Variants in ZNF138 observed in about 807,000 individuals in gnomAD.
The protein encoded by ZNF138 is zinc finger protein 138 (clone pHZ-32).
ZNF138 carries 33 observed loss-of-function variants against 33.0 expected under a neutral mutation model. The observed-to-expected ratio is 1.00, with a 90% CI of 0.76 to 1.34. The LOEUF is 1.34. Among genes scored for constraint, ZNF138 ranks in the 40% most tolerant of loss-of-function variants. The pLI is 0.00. For missense variants in ZNF138, 360 were observed against 370.8 expected, an observed-to-expected ratio of 0.97 and a Z score of 0.24; for synonymous variants, 139 against 120.4, an observed-to-expected ratio of 1.15 and a Z score of -1.01.
chr7:64,805,836 G>C (rs10255015), intron 1 of ZNF138, among the ~76,000 whole-genome samples: 2,453 of 152,354 alleles, frequency 0.016, 65 homozygotes, highest in African/African-American at 0.055. Flanking sequence ...TTATTTTGTC[G>C]TTGGTTATAA....
At chr7:64,822,889 T>A (rs56091532) in intron 3 of ZNF138, among the ~76,000 whole-genome samples, 149,866 of 152,046 alleles carry the variant, frequency 0.99, 73,896 homozygotes, top group East Asian at 1. Context: ...TTTATTTTTT[T>A]TTTTTTTTGA....
intron 1 of ZNF138, among the ~76,000 whole-genome samples, chr7:64,797,943 A>G (rs941899159): frequency 1.3e-5 from 2 of 151,918 alleles, no homozygotes; most frequent in African/African-American, 4.8e-5. Context: ...TTATTTTTTA[A>G]TTAAATTATT....
chr7:64,836,198 TA>T (rs758374992), downstream of ZNF138: 10 of 151,966 alleles, frequency 6.6e-5, no homozygotes, highest in Non-Finnish European at 1.3e-4. Context: ...ACCGGTGGTA[TA>T]GGGGTGGATG....
At chr7:64,852,778 C>A in the ZNF138 span, 4 of 845,418 alleles carry the variant, frequency 4.7e-6, no homozygotes, top group Non-Finnish European at 8.4e-6. Context: ...CCAGCACATC[C>A]CCTGGTACTG....
chr7:64,802,059 T>G (rs1475311589), intron 1 of ZNF138, among the ~76,000 whole-genome samples: 2 of 152,110 alleles, frequency 1.3e-5, no homozygotes, highest in Non-Finnish European at 2.9e-5. Context: ...GGTTACAGCT[T>G]GGTTTTATAT....
At chr7:64,836,637 G>A (rs1790374632), downstream of ZNF138, 1 of 152,168 alleles carries the variant, frequency 6.6e-6, no homozygotes, top group South Asian at 2.1e-4. Context: ...AGAACATTGG[G>A]TCAGATCCTT....
the ZNF138 span, among the ~76,000 whole-genome samples, chr7:64,842,327 G>T: frequency 1.3e-5 from 2 of 152,142 alleles, no homozygotes. Flanking sequence ...CTCCCAAAGT[G>T]CTGGGATTAT....
intron 1 of ZNF138, among the ~76,000 whole-genome samples, chr7:64,803,163 C>A (rs1787287094): frequency 6.7e-6 from 1 of 150,362 alleles, no homozygotes; most frequent in African/African-American, 2.4e-5. Context: ...ATATGTAAAT[C>A]ATATTAACAG....
chr7:64,796,056 A>G (rs1786663605), intron 1 of ZNF138, among the ~76,000 whole-genome samples: 1 of 152,232 alleles, frequency 6.6e-6, no homozygotes, highest in Admixed American at 6.5e-5. Flanking sequence ...GATTGTCTTC[A>G]AACCAACCCA....
chr7:64,854,544 A>G, the ZNF138 span, among the ~76,000 whole-genome samples: 60 of 152,358 alleles, frequency 3.9e-4, no homozygotes, highest in East Asian at 6.0e-3. Context: ...CCTAGTCATA[A>G]TATAAATATT....
chr7:64,831,062 G>A, intron 3 of ZNF138: 2 of 1,551,288 alleles, frequency 1.3e-6, no homozygotes, highest in South Asian at 2.4e-5. Context: ...GCACCTAGAA[G>A]CCAGAAATAA....
downstream of ZNF138, chr7:64,836,671 T>C (rs1252376295): frequency 1.3e-5 from 2 of 152,200 alleles, no homozygotes; most frequent in African/African-American, 4.8e-5. Context: ...TAATGCCTCA[T>C]GGATATTGCA....
intron 1 of ZNF138, among the ~76,000 whole-genome samples, chr7:64,810,434 G>C (rs1273850785): frequency 4.6e-5 from 1 of 21,780 alleles, no homozygotes. Context: ...GAGGGAGACC[G>C]TGGGGAGAGG....
chr7:64,794,882 C>A (rs548876604), intron 1 of ZNF138, among the ~76,000 whole-genome samples: 1 of 152,136 alleles, frequency 6.6e-6, no homozygotes, highest in Non-Finnish European at 1.5e-5. Context: ...AATCCTGACT[C>A]GGGGTGCTGG....
the ZNF138 span, among the ~76,000 whole-genome samples, chr7:64,851,529 T>TA: frequency 6.6e-6 from 1 of 152,154 alleles, no homozygotes; most frequent in African/African-American, 2.4e-5. Context: ...ATACAAAATA[T>TA]AAAATGTATT....
intron 1 of ZNF138, among the ~76,000 whole-genome samples, chr7:64,799,368 G>C (rs559421207): frequency 1.3e-5 from 2 of 152,186 alleles, no homozygotes; most frequent in African/African-American, 4.8e-5. Context: ...GTTTCTCCAT[G>C]TTCAGGCTGG....
At chr7:64,839,624 G>A in the ZNF138 span, among the ~76,000 whole-genome samples, 102 of 152,270 alleles carry the variant, frequency 6.7e-4, 2 homozygotes, top group South Asian at 0.013. Context: ...CTCACCCAGC[G>A]TCTGCCGAAT....
Position 64,794,428 on chromosome 7 carries a change from G to C in ZNF138, c.-141G>C, listed in dbSNP as rs1281817592. 7 of 1,303,358 alleles carry C rather than the reference G, an allele frequency of 5.4e-6. No homozygotes were observed. The highest frequency in any genetic ancestry group is 7.6e-6 in the Non-Finnish European group (7 of 918,898). 80.7% of individuals were successfully genotyped at this position (1,303,358 alleles called of 1,614,324 possible). Reference sequence around the variant, plus strand: ...TCTTCCGGGAGGCGGCGGGGTCTTTGTCTCGCTGCAGCGGGTGCTGCAGGT... The same window carrying C: ...TCTTCCGGGAGGCGGCGGGGTCTTTCTCTCGCTGCAGCGGGTGCTGCAGGT... On this transcript the variant is annotated 5_prime_UTR_variant, in exon 1 of 4. Transcript: ENST00000307355.
Position 64,832,394 on chromosome 7 carries a change from T to A in ZNF138, c.*192T>A, listed in dbSNP as rs1227825694. The A allele has an allele frequency of 1.6e-5, 25 of 1,525,556 alleles. No individual in the cohort carries two copies. Among genetic ancestry groups the A allele is most frequent in the Non-Finnish European group, 2.2e-5 (25 of 1,142,004 alleles). The allele number at this position is 1,525,556 out of a possible 1,614,324, so 94.5% of individuals were successfully genotyped here. On this transcript the variant is annotated 3_prime_UTR_variant, in exon 4 of 4. Transcript: ENST00000307355. Reference sequence around the variant, plus strand: ...CAAAGCTCACTGAACATAAGTTAATTCATACTGGAGAAAAACCCTACAAAT... The same window carrying A: ...CAAAGCTCACTGAACATAAGTTAATACATACTGGAGAAAAACCCTACAAAT...
Sources: allele counts gnomAD v4.1 joint callset (sites outside exome capture counted in the v4.1 genomes callset), GRCh38; gene constraint gnomAD v4.1.1; transcripts MANE v1.5; gene names NCBI Gene and HGNC (gene_info 2026-07-23, HGNC 2026-07-21).